Variants in HYCC2 observed in about 807,000 individuals in gnomAD.
HYCC2 encodes hyccin PI4KA lipid kinase complex subunit 2.
the HYCC2 span, among the ~76,000 whole-genome samples, chr2:201,025,339 C>A: frequency 6.6e-6 from 1 of 151,884 alleles, no homozygotes; most frequent in Non-Finnish European, 1.5e-5. Flanking sequence ...TTGCTAGGAT[C>A]TGGAAATATA....
At chr2:200,979,543 G>A in the HYCC2 span, 11 of 151,882 alleles carry the variant, frequency 7.2e-5, no homozygotes, top group African/African-American at 1.9e-4. Context: ...AAAAAAAGGC[G>A]TTTTTTCTGG....
At chr2:201,029,680 C>T in the HYCC2 span, among the ~76,000 whole-genome samples, 12 of 152,132 alleles carry the variant, frequency 7.9e-5, no homozygotes, top group African/African-American at 2.9e-4. Flanking sequence ...ATCACAAGGA[C>T]AGAAAGCCAA....
At chr2:201,030,939 T>C in the HYCC2 span, among the ~76,000 whole-genome samples, 965 of 152,270 alleles carry the variant, frequency 6.3e-3, 6 homozygotes, top group Middle Eastern at 0.027. Flanking sequence ...GTCCAATAAC[T>C]TACTGATGGA....
chr2:201,004,673 T>C, the HYCC2 span, among the ~76,000 whole-genome samples: 1 of 152,154 alleles, frequency 6.6e-6, no homozygotes. Flanking sequence ...ATTGTACCCA[T>C]ATGGACTGCT....
chr2:201,022,835 T>C, the HYCC2 span: 6 of 1,592,868 alleles, frequency 3.8e-6, no homozygotes, highest in Middle Eastern at 1.7e-4. Context: ...TCCTACCTCA[T>C]TATTTGAATC....
the HYCC2 span, among the ~76,000 whole-genome samples, chr2:201,029,534 G>A: frequency 6.6e-6 from 1 of 152,124 alleles, no homozygotes; most frequent in African/African-American, 2.4e-5. Flanking sequence ...CAACCCAAAT[G>A]TCCATCAATG....
At chr2:201,039,541 G>C in the HYCC2 span, among the ~76,000 whole-genome samples, 1 of 152,184 alleles carries the variant, frequency 6.6e-6, no homozygotes, top group Non-Finnish European at 1.5e-5. Context: ...TTTGATATAA[G>C]AGACTGAATG....
At chr2:201,002,991 T>C in the HYCC2 span, among the ~76,000 whole-genome samples, 16 of 152,300 alleles carry the variant, frequency 1.1e-4, no homozygotes, top group Non-Finnish European at 2.4e-4. Flanking sequence ...GGCTAAAAAT[T>C]GATGGTACAT....
At chr2:200,987,304 G>C in the HYCC2 span, 3 of 1,244,626 alleles carry the variant, frequency 2.4e-6, no homozygotes, top group East Asian at 1.1e-4. Context: ...TGGGGATAGA[G>C]AGCCAGGATC....
At chr2:201,070,566 G>C in the HYCC2 span, among the ~76,000 whole-genome samples, 2 of 152,046 alleles carry the variant, frequency 1.3e-5, no homozygotes, top group African/African-American at 4.8e-5. Flanking sequence ...GCAGGAGAAT[G>C]GCTTGAACCC....
chr2:201,035,574 G>T, the HYCC2 span, among the ~76,000 whole-genome samples: 1 of 152,152 alleles, frequency 6.6e-6, no homozygotes, highest in South Asian at 2.1e-4. Context: ...GGAGTAGTCT[G>T]ATCGTCTGAA....
the HYCC2 span, among the ~76,000 whole-genome samples, chr2:201,057,047 GCTATGCC>G: frequency 1.4e-4 from 21 of 152,194 alleles, no homozygotes; most frequent in Non-Finnish European, 2.6e-4. Flanking sequence ...TCTGAAGAGA[GCTATGCC>G]CTCTCTGCAG....
At chr2:201,059,118 T>C in the HYCC2 span, among the ~76,000 whole-genome samples, 2 of 152,204 alleles carry the variant, frequency 1.3e-5, no homozygotes, top group Admixed American at 1.3e-4. Context: ...CTCAGGACTT[T>C]GGACTGTGTC....
chr2:201,057,889 G>A, the HYCC2 span, among the ~76,000 whole-genome samples: 1 of 152,142 alleles, frequency 6.6e-6, no homozygotes, highest in Non-Finnish European at 1.5e-5. Context: ...CCAAAGATAT[G>A]GATCTATCGG....
At chr2:201,017,048 G>A in the HYCC2 span, 1 of 1,613,956 alleles carries the variant, frequency 6.2e-7, no homozygotes, top group Non-Finnish European at 8.5e-7. Flanking sequence ...GTCTGTCTCG[G>A]CTAACTGTAA....
At chr2:201,008,947 T>C in the HYCC2 span, 85 of 1,346,360 alleles carry the variant, frequency 6.3e-5, no homozygotes, top group East Asian at 1.6e-3. Flanking sequence ...ATACAAGTTG[T>C]TACTATATAC....
the HYCC2 span, chr2:200,979,731 A>G: frequency 6.6e-6 from 1 of 152,670 alleles, no homozygotes; most frequent in Non-Finnish European, 1.5e-5. Flanking sequence ...AGGATAACTT[A>G]TAACAGTTTA....
chr2:201,003,706 C>T, the HYCC2 span, among the ~76,000 whole-genome samples: 1 of 134,882 alleles, frequency 7.4e-6, no homozygotes, highest in East Asian at 2.3e-4. Flanking sequence ...GAGACTCCAT[C>T]TTAAAAAAAA....
chr2:201,040,722 T>G, the HYCC2 span, among the ~76,000 whole-genome samples: 3 of 152,100 alleles, frequency 2.0e-5, no homozygotes, highest in Non-Finnish European at 2.9e-5. Context: ...TGACCTCAAG[T>G]GATCCACCTG....
Sources: allele counts gnomAD v4.1 joint callset (sites outside exome capture counted in the v4.1 genomes callset), GRCh38; gene constraint gnomAD v4.1.1; transcripts MANE v1.5; gene names NCBI Gene and HGNC (gene_info 2026-07-23, HGNC 2026-07-21).